The following FBXL17 variants were observed in gnomAD, a reference collection of about 807,000 sequenced individuals.
FBXL17 encodes F-box/LRR-repeat protein 17.
A neutral mutation model predicts 66.2 loss-of-function variants in FBXL17; 22 were observed. The ratio of observed to expected loss-of-function variants is 0.33; its 90% CI spans 0.24 to 0.47. The LOEUF is 0.47. FBXL17 is among the 20% of genes least tolerant of loss of function. The pLI, the probability that FBXL17 is intolerant of heterozygous loss-of-function variation, is 1.00. For missense variants in FBXL17, 878 were observed against 948.2 expected (o/e 0.93, Z 0.97); for synonymous variants, 474 against 400.5 (o/e 1.18, Z -2.19).
At chr5:108,091,182 C>CA (rs1749175059) in intron 6 of FBXL17, among the ~76,000 whole-genome samples, 1 of 152,188 alleles carries the variant, frequency 6.6e-6, no homozygotes, top group African/African-American at 2.4e-5. Flanking sequence ...GCAGCCTGAA[C>CA]AAAATACAGA....
intron 3 of FBXL17, among the ~76,000 whole-genome samples, chr5:108,361,695 T>C (rs2112553690): frequency 6.6e-6 from 1 of 152,276 alleles, no homozygotes; most frequent in East Asian, 1.9e-4. Context: ...CAAAAGCAAG[T>C]TTCTTTCATT....
intron 6 of FBXL17, among the ~76,000 whole-genome samples, chr5:108,079,874 T>C (rs1748697894): frequency 6.6e-6 from 1 of 152,234 alleles, no homozygotes; most frequent in Admixed American, 6.5e-5. Flanking sequence ...TCTTTTGAAA[T>C]GCACTGTGTG....
chr5:108,012,327 T>A (rs723398), intron 7 of FBXL17, among the ~76,000 whole-genome samples: 20,836 of 152,066 alleles, frequency 0.14, 1,734 homozygotes, highest in East Asian at 0.34. Context: ...AATAACAATC[T>A]CCCCCTTTCA....
intron 7 of FBXL17, among the ~76,000 whole-genome samples, chr5:107,969,070 T>C (rs910157607): frequency 6.6e-6 from 1 of 152,154 alleles, no homozygotes; most frequent in Non-Finnish European, 1.5e-5. Flanking sequence ...AAATCAGCCA[T>C]GTTCATCACT....
chr5:108,288,276 A>G lies in FBXL17; in HGVS notation c.1506+60123T>C, dbSNP rs76470896. ...CCCGAGCCTAAAATAAAAGTTCAAC[A>G]ACAAAAAAAGCTGAAGGTAACATTT... is the stretch of plus-strand genomic sequence containing the variant. On this transcript the variant is annotated intron_variant, in intron 4 of 8. Coordinates refer to ENST00000542267, the MANE Select transcript of FBXL17 (RefSeq NM_001163315.3). Among the ~76,000 whole-genome samples, 436 of 152,062 alleles carry G rather than the reference A, an allele frequency of 2.9e-3. 3 individuals are homozygous for G. The highest frequency in any genetic ancestry group is 0.01 in the African/African-American group (424 of 41,510).
At chr5:107,998,228 A>G (rs1029671812) in intron 7 of FBXL17, among the ~76,000 whole-genome samples, 2 of 152,214 alleles carry the variant, frequency 1.3e-5, no homozygotes, top group South Asian at 2.1e-4. Context: ...ACTGTTTTCA[A>G]TGTGGCTACT....
chr5:108,109,075 G>A (rs959035489), intron 6 of FBXL17, among the ~76,000 whole-genome samples: 2 of 151,950 alleles, frequency 1.3e-5, no homozygotes, highest in African/African-American at 2.4e-5. Context: ...GAGCCACTGC[G>A]CCCAGCCAAG....
rs1298611649 is a variant in FBXL17, at chr5:107,920,773, G to A, written c.1823-39594C>T. On this transcript the variant is annotated intron_variant, in intron 7 of 8. Transcript: ENST00000542267. ...CCTTCTCCAGGAAGTACCTAATCCTGCAATAAACCTGTTGAACAGACAGGT... is the reference window on the plus strand; with the variant it reads ...CCTTCTCCAGGAAGTACCTAATCCTACAATAAACCTGTTGAACAGACAGGT... Among the ~76,000 whole-genome samples, 3 of 152,100 alleles carry A rather than the reference G, an allele frequency of 2.0e-5. 1 individual carries two copies. In the South Asian group the frequency reaches 6.2e-4, roughly 32 times the overall value.
intron 8 of FBXL17, among the ~76,000 whole-genome samples, chr5:107,867,904 G>A (rs532377119): frequency 2.2e-4 from 34 of 152,166 alleles, no homozygotes; most frequent in Non-Finnish European, 4.6e-4. Context: ...TTAGGCTTTC[G>A]TGTGTTAAGA....
At chr5:108,210,006 T>C (rs558664812) in intron 5 of FBXL17, among the ~76,000 whole-genome samples, 1 of 152,204 alleles carries the variant, frequency 6.6e-6, no homozygotes, top group Non-Finnish European at 1.5e-5. Context: ...ACTGGTTTAT[T>C]CAGGAATTCA....
chr5:107,957,301 C>T (rs561901707), intron 7 of FBXL17, among the ~76,000 whole-genome samples: 1 of 152,162 alleles, frequency 6.6e-6, no homozygotes, highest in East Asian at 1.9e-4. Context: ...TCACTATACT[C>T]AGCCAATTAG....
At chr5:108,232,528 C>T (rs1755390985) in intron 4 of FBXL17, among the ~76,000 whole-genome samples, 1 of 151,358 alleles carries the variant, frequency 6.6e-6, no homozygotes. Context: ...GAAGGCAGAC[C>T]CACCCTTACT....
At chr5:108,009,427 A>G (rs1754095007) in intron 7 of FBXL17, among the ~76,000 whole-genome samples, 1 of 150,638 alleles carries the variant, frequency 6.6e-6, no homozygotes, top group Non-Finnish European at 1.5e-5. Context: ...TTAGTTTTTT[A>G]AAATCTTTTC....
intron 6 of FBXL17, among the ~76,000 whole-genome samples, chr5:108,087,578 C>T (rs558627446): frequency 4.6e-5 from 7 of 152,162 alleles, no homozygotes; most frequent in South Asian, 2.1e-4. Flanking sequence ...TGGAGGTTGA[C>T]GCCTAGTAAA....
chr5:108,120,131 A>C (rs1750428083), intron 6 of FBXL17, among the ~76,000 whole-genome samples: 1 of 152,202 alleles, frequency 6.6e-6, no homozygotes, highest in African/African-American at 2.4e-5. Context: ...TTAGAGGAAA[A>C]CAAACTCTCG....
At chr5:108,012,871 C>T (rs568216831) in intron 7 of FBXL17, among the ~76,000 whole-genome samples, 36 of 151,860 alleles carry the variant, frequency 2.4e-4, no homozygotes, top group African/African-American at 3.4e-4. Context: ...CAAAATTAGC[C>T]GGGCGTGGTG....
At chr5:108,195,938 GT>G (rs1427452667) in intron 5 of FBXL17, among the ~76,000 whole-genome samples, 1 of 152,018 alleles carries the variant, frequency 6.6e-6, no homozygotes. Context: ...AGATAGTTTT[GT>G]TTTGAATATG....
intron 6 of FBXL17, among the ~76,000 whole-genome samples, chr5:108,066,001 G>C (rs1242447182): frequency 6.6e-6 from 1 of 152,118 alleles, no homozygotes; most frequent in African/African-American, 2.4e-5. Flanking sequence ...TAAGGGAATA[G>C]GGGACTATCG....
intron 4 of FBXL17, among the ~76,000 whole-genome samples, chr5:108,233,701 T>C (rs1313165649): frequency 6.6e-6 from 1 of 152,160 alleles, no homozygotes; most frequent in East Asian, 1.9e-4. Flanking sequence ...TAGGCACGTT[T>C]AGTGTTACAC....
Sources: allele counts gnomAD v4.1 joint callset (sites outside exome capture counted in the v4.1 genomes callset), GRCh38; gene constraint gnomAD v4.1.1; transcripts MANE v1.5; gene names NCBI Gene and HGNC (gene_info 2026-07-23, HGNC 2026-07-21).